The following FCHO1 variants were observed in gnomAD, a reference collection of about 807,000 sequenced individuals.
The protein encoded by FCHO1 is FCH and mu domain containing endocytic adaptor 1, also known as F-BAR domain only protein 1.
A neutral mutation model predicts 114.4 loss-of-function variants in FCHO1; 45 were observed. The ratio of observed to expected loss-of-function variants is 0.39; its 90% CI spans 0.31 to 0.50. The LOEUF is 0.50. Ranked by LOEUF, FCHO1 falls within the 20% of genes least tolerant of loss-of-function variation. The probability of loss-of-function intolerance (pLI) is 0.77; values close to 1 mark genes in which losing one functional copy is unlikely to be tolerated. For synonymous variants in FCHO1, 480 were observed against 488.9 expected (o/e 0.98, Z 0.24); for missense variants, 1,042 against 1,209.6 (o/e 0.86, Z 2.06).
chr19:17,750,861 T>A (rs2081762590), upstream of FCHO1, among the ~76,000 whole-genome samples: 1 of 144,284 alleles, frequency 6.9e-6, no homozygotes. Context: ...AGTCTCGCTC[T>A]GTCGCCAGGC....
At chr19:17,786,721 T>G in intron 27 of FCHO1, 92 bp downstream of exon 27, 2 of 1,402,536 alleles carry the variant, frequency 1.4e-6, no homozygotes, top group Non-Finnish European at 2.0e-6. Flanking sequence ...GGGGACATAC[T>G]GAGGGCGGGC....
intron 5 of FCHO1, among the ~76,000 whole-genome samples, chr19:17,763,735 A>T (rs114194501): frequency 0.011 from 1,616 of 150,706 alleles, 24 homozygotes; most frequent in African/African-American, 0.032. Flanking sequence ...GTTAAAAAAA[A>T]TTTTTTTTGT....
At chr19:17,779,281 C>A (rs992016073) in intron 20 of FCHO1, among the ~76,000 whole-genome samples, 1 of 151,982 alleles carries the variant, frequency 6.6e-6, no homozygotes, top group Non-Finnish European at 1.5e-5. Context: ...GAAGAGAAGG[C>A]AGGGACCAGG....
Position 17,775,230 on chromosome 19 carries a change from C to T in FCHO1, c.945+150C>T. The T allele has an allele frequency of 8.5e-6, 8 of 936,470 alleles. No homozygotes were observed. Among genetic ancestry groups the T allele is most frequent in the Admixed American group, 2.5e-5 (1 of 40,538 alleles). The allele number at this position is 936,470 out of a possible 1,614,324, so 58.0% of individuals were successfully genotyped here. A position where few individuals can be genotyped will look rare whatever the true frequency, so the allele number is the denominator to read the frequency against. On this transcript the variant is annotated intron_variant, in intron 14 of 28. Coordinates refer to ENST00000596536, the MANE Select transcript of FCHO1 (RefSeq NM_015122.3). This position sits in a 1 kb window ranked among gnomAD's most constrained non-coding sequence, Gnocchi z 5.1. The stretch of plus-strand genomic sequence containing the variant: ...TGGGGGCTGGGTTCATATCCCACCT[C>T]AGCTGCAAAGTCCCATGGACTACGT...
chr19:17,773,061 C>G (rs1223605204), intron 11 of FCHO1, among the ~76,000 whole-genome samples: 2 of 152,166 alleles, frequency 1.3e-5, no homozygotes, highest in Admixed American at 6.6e-5. Context: ...CCCAGAGGAG[C>G]CTTGAATGCC....
intron 7 of FCHO1, among the ~76,000 whole-genome samples, chr19:17,768,641 T>C (rs893476768): frequency 1.3e-5 from 2 of 150,238 alleles, no homozygotes; most frequent in Non-Finnish European, 3.0e-5. Flanking sequence ...TTGCAGTCAG[T>C]TGAGATCGCG....
Position 17,788,338 on chromosome 19 carries a change from T to C in FCHO1, c.*32T>C. 7.3e-7 allele frequency: 1 copy of C among 1,377,494 alleles called. No individual in the cohort carries two copies. The highest frequency in any genetic ancestry group is 9.7e-7 in the Non-Finnish European group (1 of 1,033,920). 85.3% of individuals were successfully genotyped at this position (1,377,494 alleles called of 1,614,324 possible). A position where few individuals can be genotyped will look rare whatever the true frequency, so the allele number is the denominator to read the frequency against. On this transcript the variant is annotated 3_prime_UTR_variant, in exon 29 of 29. Transcript: ENST00000596536. The stretch of plus-strand genomic sequence containing the variant: ...AAATGCTGCTGCCCCAGCTCTACAC[T>C]GCGCCCTGGTGCTGGCTGACCACCC...
chr19:17,778,240 A>G lies in FCHO1; in HGVS notation c.1351+12A>G. The stretch of plus-strand genomic sequence containing the variant: ...CGAAGATTTTACAGGTGATGGGGAT[A>G]AGGGATTGGAGGGCATGGGTGTGGC... On this transcript the variant is annotated intron_variant, in intron 19 of 28. Transcript: ENST00000596536. The G allele has an allele frequency of 6.2e-7, 1 of 1,605,088 alleles. No homozygotes were observed. The highest frequency in any genetic ancestry group is 8.5e-7 in the Non-Finnish European group (1 of 1,172,240).
intron 4 of FCHO1, among the ~76,000 whole-genome samples, chr19:17,756,135 C>G (rs2083409464): frequency 1.3e-5 from 2 of 152,200 alleles, no homozygotes; most frequent in Admixed American, 1.3e-4. Context: ...ACAAGCCCCA[C>G]TCCTGCCCTT....
intron 19 of FCHO1, 125 bp from the exon 20 acceptor site, chr19:17,778,484 G>A (rs1359718989): frequency 2.7e-6 from 3 of 1,097,844 alleles, no homozygotes; most frequent in South Asian, 1.6e-5. Flanking sequence ...CCTTGGGGGC[G>A]TGCACAAGGA....
rs2081956056 is a variant in FCHO1, at chr19:17,751,517, G to C, written c.-243G>C. Reference sequence around the variant, plus strand: ...TTGGTGCTGACGGAAGTGGCCTCGTGGCTGTCTCCTGGCGCCTGCCCCGTC... The same window carrying C: ...TTGGTGCTGACGGAAGTGGCCTCGTCGCTGTCTCCTGGCGCCTGCCCCGTC... On this transcript the variant is annotated 5_prime_UTR_variant, in exon 1 of 29. Transcript: ENST00000596536. The surrounding 1 kb of genome is among the most constrained non-coding windows in gnomAD (Gnocchi z 4.4). The C allele has an allele frequency of 6.6e-6, 1 of 152,444 alleles. No individual in the cohort carries two copies. The highest frequency in any genetic ancestry group is 2.4e-5 in the African/African-American group (1 of 41,426). 9.4% of individuals were successfully genotyped at this position (152,444 alleles called of 1,614,324 possible).
rs1234483121 is a variant in FCHO1 at position 17,787,778 on chromosome 19, C to T, written c.2579C>T (p.Ser860Leu). 10 of 1,611,882 alleles carry T rather than the reference C, an allele frequency of 6.2e-6. No individual in the cohort carries two copies. The highest frequency in any genetic ancestry group is 2.2e-5 in the East Asian group (1 of 44,826). The change falls in exon 28 of 29, where the codon TCG becomes TTG. Residue 860 changes from serine to leucine, a missense_variant. Physicochemically the swap from Ser to Leu is moderately radical, Grantham distance 145. Transcript: ENST00000596536. ...AQFTSEGTTL[S>L]GVDLELVGSG... ...TTCACCAGCGAGGGGACCACTCTGT[C>T]GGGCGTGGACTTGGAACTGGTGGGC...
rs111408717 is a variant in FCHO1, at chr19:17,763,660, C to T, written c.120-715C>T. On this transcript the variant is annotated intron_variant, in intron 5 of 28. Coordinates refer to ENST00000596536, the MANE Select transcript of FCHO1 (RefSeq NM_015122.3). ...GCAGCCTCGACCTACCGGGCCCAAG[C>T]GATCCTCCCACCTCAGGATCCTGAG... Among the ~76,000 whole-genome samples the T allele has an allele frequency of 4.1e-3, 611 of 147,662 alleles. 4 individuals are homozygous for T. Among genetic ancestry groups the T allele is most frequent in the Middle Eastern group, 0.019 (5 of 270 alleles).
intron 4 of FCHO1, among the ~76,000 whole-genome samples, chr19:17,758,140 A>G (rs2084504838): frequency 6.6e-6 from 1 of 151,858 alleles, no homozygotes; most frequent in South Asian, 2.1e-4. Context: ...GCGTGAACCC[A>G]GGAGACAGAG....
intron 11 of FCHO1, among the ~76,000 whole-genome samples, chr19:17,773,437 C>A (rs1422509392): frequency 6.6e-6 from 1 of 152,196 alleles, no homozygotes; most frequent in Non-Finnish European, 1.5e-5. Flanking sequence ...GTTCTTTCTC[C>A]CTCCTGTCGC....
chr19:17,771,377 A>G (rs1439921675), intron 9 of FCHO1, among the ~76,000 whole-genome samples: 4 of 151,072 alleles, frequency 2.6e-5, no homozygotes, highest in Admixed American at 6.6e-5. Flanking sequence ...AAAAGAAAAG[A>G]AAAGAAAAAG....
At chr19:17,755,389 C>T (rs2083110018) in intron 4 of FCHO1, 198 bp downstream of exon 4, 5 of 554,010 alleles carry the variant, frequency 9.0e-6, no homozygotes, top group South Asian at 8.7e-5. Context: ...CAACCTTGGG[C>T]AAGTCATAGC....
intron 4 of FCHO1, among the ~76,000 whole-genome samples, chr19:17,756,765 C>G (rs1016554308): frequency 6.6e-6 from 1 of 152,272 alleles, no homozygotes; most frequent in East Asian, 1.9e-4. Context: ...CTGGGTGGTG[C>G]TGGGGAGATT....
At position 17,775,660 on chromosome 19, in the gene FCHO1, C is replaced by A; in HGVS notation, c.1003+147C>A. ...ATGAAGCCAACCTAAATGTAAACAC[C>A]CACTCTATGGGGTCAGCACTGGGCA... On this transcript the variant is annotated intron_variant, in intron 15 of 28. Transcript: ENST00000596536. The surrounding 1 kb of genome is among the most constrained non-coding windows in gnomAD (Gnocchi z 5.1). The A allele has an allele frequency of 1.3e-6, 1 of 799,018 alleles. No individual in the cohort carries two copies. Among genetic ancestry groups the A allele is most frequent in the Non-Finnish European group, 2.1e-6 (1 of 472,382 alleles). 49.5% of individuals were successfully genotyped at this position (799,018 alleles called of 1,614,324 possible).
Sources: allele counts gnomAD v4.1 joint callset (sites outside exome capture counted in the v4.1 genomes callset), GRCh38; gene constraint gnomAD v4.1.1; non-coding constraint Gnocchi (gnomAD v3.1); transcripts MANE v1.5; gene names NCBI Gene and HGNC (gene_info 2026-07-23, HGNC 2026-07-21).